The following USP1 variants were observed in gnomAD, a reference collection of about 807,000 sequenced individuals.
USP1 encodes the protein ubiquitin specific peptidase 1.
Under a neutral mutation model 72.2 loss-of-function variants are expected in USP1, and 18 were observed. That is an observed-to-expected ratio of 0.25 (90% CI 0.17 to 0.37). The LOEUF (loss-of-function observed/expected upper bound fraction) is 0.37. Among genes scored for constraint, USP1 ranks in the 10% least tolerant of loss-of-function variants. The pLI, the probability that USP1 is intolerant of heterozygous loss-of-function variation, is 1.00. For synonymous variants in USP1, 354 were observed against 303.7 expected, an observed-to-expected ratio of 1.17 and a Z score of -1.72; for missense variants, 759 against 884.9, an observed-to-expected ratio of 0.86 and a Z score of 1.81.
Position 62,444,916 on chromosome 1 carries a change from A to G in USP1, c.736A>G (p.Ile246Val), listed in dbSNP as rs1236960994. 5.0e-6 allele frequency: 8 copies of G among 1,613,732 alleles called. No individual in the cohort carries two copies. In the Admixed American group the frequency reaches 6.7e-5, roughly 13 times the overall value. Reference protein sequence around the residue: ...IPHPKEEMNGINSIEMDSMRH... With the variant: ...IPHPKEEMNGVNSIEMDSMRH... ...TCATCCGAAAGAGGAAATGAATGGT[A>G]TTAACAGCATAGAGATGGACAGTAT... Residue 246 changes from isoleucine (I) to valine (V), a missense_variant, in exon 6 of 9, where the codon ATT (isoleucine) becomes GTT (valine). Ile to Val is a conservative substitution (Grantham distance 29). Around this residue, in one of 9 missense-constraint regions of USP1, gnomAD observed 245 missense variants for 240.7 expected, o/e 1.02. Coordinates refer to ENST00000339950, the MANE Select transcript of USP1 (RefSeq NM_003368.5).
chr1:62,446,449 C>G (rs659656), intron 6 of USP1, among the ~76,000 whole-genome samples: 63,743 of 152,110 alleles, frequency 0.42, 15,088 homozygotes, highest in African/African-American at 0.65. Context: ...AGGCAACAAA[C>G]CTGTATAGCA....
rs2149208729 is a variant in USP1, at chr1:62,450,727, G to A, written c.2104G>A (p.Glu702Lys). Residue 702 changes from glutamate (E) to lysine (K), a missense_variant, in exon 9 of 9, where the codon GAG becomes AAG. By Grantham distance (56) the Glu-to-Lys change is moderately conservative. Transcript: ENST00000339950. Reference sequence around the variant, plus strand: ...AGCGTTTGCTGAAAATAGAAATTCTGAGACTAGTGATACTACTGGGACCCA... The same window carrying A: ...AGCGTTTGCTGAAAATAGAAATTCTAAGACTAGTGATACTACTGGGACCCA... The part of the protein sequence containing the change: ...STAFAENRNS[E>K]TSDTTGTHES... The A allele has an allele frequency of 1.9e-6, 3 of 1,614,004 alleles. No homozygotes were observed. The East Asian group carries it at 6.7e-5, about 36-fold the overall frequency.
chr1:62,446,700 A>G (rs759820208), intron 6 of USP1, among the ~76,000 whole-genome samples: 8 of 152,240 alleles, frequency 5.3e-5, no homozygotes, highest in Non-Finnish European at 1.0e-4. Flanking sequence ...AAAATGTGTA[A>G]TATTGATATA....
At position 62,448,479 on chromosome 1, in the gene USP1, A is replaced by G. The variant is rs200827912; in HGVS notation, c.1435A>G (p.Lys479Glu). 3 of 1,613,882 alleles carry G rather than the reference A, an allele frequency of 1.9e-6. No homozygotes were observed. Among genetic ancestry groups the G allele is most frequent in the African/African-American group, 1.3e-5 (1 of 75,038 alleles). Residue 479 changes from lysine (K) to glutamate (E), a missense_variant, in exon 8 of 9, where the codon AAA becomes GAA. By Grantham distance (56) the Lys-to-Glu change is moderately conservative. Around this residue, in one of 9 missense-constraint regions of USP1, gnomAD observed 140 missense variants for 222.8 expected, o/e 0.63. Coordinates refer to ENST00000339950, the MANE Select transcript of USP1 (RefSeq NM_003368.5). The part of the protein sequence containing the change: ...EESSEISPEP[K>E]TEMKTLRWAI... ...CTCTTTTTTAGTTTCTCCAGAGCCA[A>G]AAACAGAAATGAAGACCCTGAGATG... is the stretch of plus-strand genomic sequence containing the variant.
chr1:62,441,020 T>G (rs2149204564), intron 2 of USP1, among the ~76,000 whole-genome samples: 1 of 151,862 alleles, frequency 6.6e-6, no homozygotes, highest in East Asian at 1.9e-4. Flanking sequence ...TATTTTTTTT[T>G]TTTTTACCAG....
At chr1:62,439,669 C>T (rs1376276947) in intron 1 of USP1, 130 bp from the exon 2 acceptor site, 50 of 426,152 alleles carry the variant, frequency 1.2e-4, no homozygotes, top group Non-Finnish European at 3.7e-5. Context: ...TGCTTATTGG[C>T]AGGCATTAGG....
At chr1:62,440,711 TTTTGTTTATCAGCATTCA>T (rs1557553410) in intron 2 of USP1, among the ~76,000 whole-genome samples, 3 of 152,188 alleles carry the variant, frequency 2.0e-5, no homozygotes, top group African/African-American at 7.2e-5. Flanking sequence ...AGAGTGAAGC[TTTTGTTTATCAGCATTCA>T]TACTTCTGAA....
At chr1:62,444,649 AT>A (rs2149205982) in intron 5 of USP1, 88 bp from the exon 6 acceptor site, 1 of 1,052,696 alleles carries the variant, frequency 9.5e-7, no homozygotes, top group South Asian at 3.0e-5. Flanking sequence ...ATAATTTATG[AT>A]TTTCCTTACA....
rs1157877656 is a variant in USP1, at chr1:62,437,335, C to G, written c.-135C>G. 2.5e-6 allele frequency: 1 copy of G among 395,956 alleles called. No homozygotes were observed. Among genetic ancestry groups the G allele is most frequent in the Non-Finnish European group, 4.4e-6 (1 of 224,932 alleles). 24.5% of individuals were successfully genotyped at this position (395,956 alleles called of 1,614,324 possible). Reference sequence around the variant, plus strand: ...TCGGGGCAGGGACTCACCTGTCGCACCCACACTCATTCGGGTTGGACTTGC... The same window carrying G: ...TCGGGGCAGGGACTCACCTGTCGCAGCCACACTCATTCGGGTTGGACTTGC... On this transcript the variant is annotated 5_prime_UTR_variant, in exon 1 of 9. Transcript: ENST00000339950.
chr1:62,448,422 A>G lies in USP1; in HGVS notation c.1421-43A>G, dbSNP rs779753555. Reference sequence around the variant, plus strand: ...TGAAACTTTGTGGTTTATTTTTTGAATGCCTGAGAGAAGTATTTGAGTGAA... The same window carrying G: ...TGAAACTTTGTGGTTTATTTTTTGAGTGCCTGAGAGAAGTATTTGAGTGAA... On this transcript the variant is annotated intron_variant, in intron 7 of 8. Coordinates refer to ENST00000339950, the MANE Select transcript of USP1 (RefSeq NM_003368.5). 31 of 1,563,582 alleles carry G rather than the reference A, an allele frequency of 2.0e-5. No individual in the cohort carries two copies. The Admixed American group carries it at 2.2e-4, about 11-fold the overall frequency.
intron 8 of USP1, among the ~76,000 whole-genome samples, chr1:62,448,915 T>G (rs1645194785): frequency 6.6e-6 from 1 of 152,098 alleles, no homozygotes; most frequent in Non-Finnish European, 1.5e-5. Flanking sequence ...AGGGTCTCAT[T>G]CCAGTTGTCC....
chr1:62,441,845 G>C (rs905185518), intron 3 of USP1, among the ~76,000 whole-genome samples: 3 of 152,168 alleles, frequency 2.0e-5, no homozygotes, highest in Non-Finnish European at 2.9e-5. Context: ...TTAAGTGGAA[G>C]GTCAAACCTT....
chr1:62,442,268 C>T lies in USP1; in HGVS notation c.365C>T (p.Ala122Val), dbSNP rs755230123. ...LFNIISRKKE[A>V]LKDEANQKDK... ...AATATTATTTCAAGGAAGAAAGAAG[C>T]TCTAAAGGATGAAGCCAATCAAAAA... Residue 122 changes from alanine to valine, a missense_variant, in exon 4 of 9, where the codon GCT becomes GTT. Transcript: ENST00000339950. The T allele has an allele frequency of 4.4e-6, 7 of 1,603,498 alleles. No individual in the cohort carries two copies. The South Asian group carries it at 7.8e-5, about 18-fold the overall frequency.
chr1:62,450,799 A>T lies in USP1; in HGVS notation c.2176A>T (p.Ile726Phe). The T allele has an allele frequency of 6.2e-7, 1 of 1,613,948 alleles. No homozygotes were observed. The highest frequency in any genetic ancestry group is 1.1e-5 in the South Asian group (1 of 91,024). ...ATCCAGTGACCAAACAGGCATTAAT[A>T]TTAGTGGATTTGAGAACAAAATTTC... ...KESSDQTGIN[I>F]SGFENKISYV... The change falls in exon 9 of 9, where the codon ATT (isoleucine) becomes TTT (phenylalanine). Residue 726 changes from isoleucine (I) to phenylalanine (F), a missense_variant. Transcript: ENST00000339950.
In USP1 at chr1:62,445,296, A is replaced by G. The variant is rs1645163861; in HGVS notation, c.1116A>G (p.Lys372=). The change falls in exon 6 of 9, where the codon AAA becomes AAG. Residue 372 remains lysine, a synonymous_variant. Transcript: ENST00000339950. The part of the protein sequence containing the change: ...TTNQGVKGQS[K]ENECDPEEDL... ...ACCAAGGAGTCAAAGGACAATCTAA[A>G]GAAAATGAATGTGATCCTGAAGAGG... 1.9e-6 allele frequency: 3 copies of G among 1,613,746 alleles called. No homozygotes were observed.
At chr1:62,442,407 T>G in intron 4 of USP1, 108 bp downstream of exon 4, 1 of 774,586 alleles carries the variant, frequency 1.3e-6, no homozygotes, top group South Asian at 1.9e-5. Flanking sequence ...CAAAGATTAT[T>G]TCTCTGTTAG....
chr1:62,450,999 T>C lies in USP1; in HGVS notation c.*18T>C. 1 of 1,551,014 alleles carries C rather than the reference T, an allele frequency of 6.4e-7. No homozygotes were observed. Among genetic ancestry groups the C allele is most frequent in the South Asian group, 1.2e-5 (1 of 80,330 alleles). On this transcript the variant is annotated 3_prime_UTR_variant, in exon 9 of 9. Coordinates refer to ENST00000339950, the MANE Select transcript of USP1 (RefSeq NM_003368.5). Reference sequence around the variant, plus strand: ...AATTATAGAGTGAGTGTATTTTCCTTGTGTATATATTAAACACACCCATAC... The same window carrying C: ...AATTATAGAGTGAGTGTATTTTCCTCGTGTATATATTAAACACACCCATAC...
intron 6 of USP1, among the ~76,000 whole-genome samples, chr1:62,446,314 A>C (rs1322232677): frequency 1.3e-5 from 2 of 152,082 alleles, no homozygotes; most frequent in Non-Finnish European, 2.9e-5. Flanking sequence ...GCCACACCAC[A>C]CAGAATACAC....
At position 62,447,327 on chromosome 1, in the gene USP1, TATTTTC is replaced by T. The variant is rs1451624602; in HGVS notation, c.1250-8_1250-3del. ...TAATCTGTATAGACTTACATTTTCCTATTTTCATTTTAGGTGAAGAACAAATTGGTT... is the reference window on the plus strand; with the variant it reads ...TAATCTGTATAGACTTACATTTTCCTATTTTAGGTGAAGAACAAATTGGTT... On this transcript the variant is annotated splice_region_variant and splice_polypyrimidine_tract_variant and intron_variant, in intron 6 of 8. Coordinates refer to ENST00000339950, the MANE Select transcript of USP1 (RefSeq NM_003368.5). 6.2e-7 allele frequency: 1 copy of T among 1,608,696 alleles called. No individual in the cohort carries two copies. The highest frequency in any genetic ancestry group is 2.2e-5 in the East Asian group (1 of 44,830).
Sources: gnomAD v4.1 joint callset for allele counts (sites outside exome capture counted in the v4.1 genomes callset) on GRCh38, gnomAD v4.1.1 for gene constraint, gnomAD v4.1.1 regional missense constraint, MANE v1.5 for transcripts, NCBI Gene and HGNC (gene_info 2026-07-23, HGNC 2026-07-21) for gene names.